Variants in MTMR9 observed in about 807,000 individuals in gnomAD.
The protein encoded by MTMR9 is myotubularin related protein 9, also known as myotubularin-related protein 9.
Under a neutral mutation model 69.5 loss-of-function variants are expected in MTMR9, and 39 were observed. That is an observed-to-expected ratio of 0.56 (90% CI 0.43 to 0.73). The LOEUF (loss-of-function observed/expected upper bound fraction) is 0.73, where lower values mean the gene tolerates loss of function less well. MTMR9 is among the 30% of genes least tolerant of loss of function. The pLI, the probability that MTMR9 is intolerant of heterozygous loss-of-function variation, is 0.00. For synonymous variants in MTMR9, 354 were observed against 240.8 expected, an observed-to-expected ratio of 1.47 and a Z score of -4.35; for missense variants, 900 against 671.2, an observed-to-expected ratio of 1.34 and a Z score of -3.77.
chr8:11,304,473 C>A (rs1237997019), intron 3 of MTMR9, among the ~76,000 whole-genome samples: 1 of 152,150 alleles, frequency 6.6e-6, no homozygotes, highest in Non-Finnish European at 1.5e-5. Flanking sequence ...GAGAATAGAA[C>A]ACTAAGGAGG....
the MTMR9 span, among the ~76,000 whole-genome samples, chr8:11,337,833 T>A: frequency 1.3e-5 from 2 of 152,248 alleles, no homozygotes; most frequent in Non-Finnish European, 2.9e-5. Context: ...TACTCTGCTG[T>A]CTTCTTGATG....
chr8:11,296,944 G>A (rs144885408), intron 2 of MTMR9, among the ~76,000 whole-genome samples: 35 of 152,050 alleles, frequency 2.3e-4, no homozygotes, highest in African/African-American at 8.4e-4. Context: ...ATTTTACTTG[G>A]TTAGTTTAAA....
chr8:11,323,204 C>A lies in MTMR9; in HGVS notation c.*416C>A, dbSNP rs933548214. On this transcript the variant is annotated 3_prime_UTR_variant, in exon 10 of 10. Coordinates refer to ENST00000221086, the MANE Select transcript of MTMR9 (RefSeq NM_015458.4). ...AAAAAGGGTCAGACTTTTAAACACT[C>A]TGACCATAGAAATGTTTTTCAAAAT... The A allele has an allele frequency of 6.5e-6, 1 of 152,768 alleles. No individual in the cohort carries two copies. The highest frequency in any genetic ancestry group is 6.5e-5 in the Admixed American group (1 of 15,304). 9.5% of individuals were successfully genotyped at this position (152,768 alleles called of 1,614,324 possible). A position where few individuals can be genotyped will look rare whatever the true frequency, so the allele number is the denominator to read the frequency against.
At position 11,306,270 on chromosome 8, in the gene MTMR9, C is replaced by A. The variant is rs760422971; in HGVS notation, c.672C>A (p.Thr224=). ...AGGACGAGAAGCTGATAAATGCTAC[C>A]CTCAGGGCTGGAAAGCGTGGCTACA... ...CKEDEKLINA[T]LRAGKRGYII... is the part of the protein sequence containing the mutation. Residue 224 remains threonine, a synonymous_variant, in exon 5 of 10, where the codon ACC becomes ACA. Coordinates refer to ENST00000221086, the MANE Select transcript of MTMR9 (RefSeq NM_015458.4). 2.5e-6 allele frequency: 4 copies of A among 1,613,980 alleles called. No individual in the cohort carries two copies. The highest frequency in any genetic ancestry group is 2.5e-6 in the Non-Finnish European group (3 of 1,179,964).
chr8:11,299,675 C>G (rs1799682886), intron 2 of MTMR9, among the ~76,000 whole-genome samples: 1 of 152,214 alleles, frequency 6.6e-6, no homozygotes, highest in Non-Finnish European at 1.5e-5. Flanking sequence ...TAGCCAAAAA[C>G]TGATCCCCAG....
intron 3 of MTMR9, among the ~76,000 whole-genome samples, chr8:11,302,405 A>G (rs1359143964): frequency 1.3e-5 from 2 of 152,076 alleles, no homozygotes; most frequent in East Asian, 3.8e-4. Context: ...CAAATACCAT[A>G]CAAGATAATA....
At chr8:11,320,515 G>A (rs1250641032) in intron 9 of MTMR9, 1 of 152,184 alleles carries the variant, frequency 6.6e-6, no homozygotes, top group African/African-American at 2.4e-5. Flanking sequence ...GATCACTTGA[G>A]GTCAGAAGTT....
chr8:11,306,428 T>C (rs762661843), intron 5 of MTMR9, 21 bp downstream of exon 5: 1 of 1,603,302 alleles, frequency 6.2e-7, no homozygotes, highest in South Asian at 1.1e-5. Flanking sequence ...CCAAAGATAG[T>C]ACAGACTCTT....
intron 2 of MTMR9, among the ~76,000 whole-genome samples, chr8:11,295,956 A>G (rs1267950648): frequency 2.6e-5 from 4 of 152,192 alleles, no homozygotes; most frequent in East Asian, 1.9e-4. Flanking sequence ...TAACCAGTGC[A>G]CTGTTCACTT....
At chr8:11,285,787 G>A (rs1012687596) in intron 1 of MTMR9, among the ~76,000 whole-genome samples, 1 of 152,094 alleles carries the variant, frequency 6.6e-6, no homozygotes, top group African/African-American at 2.4e-5. Context: ...CATCTCCTTA[G>A]TGGCTACTCG....
chr8:11,300,734 A>G (rs1799720203), intron 3 of MTMR9: 1 of 152,234 alleles, frequency 6.6e-6, no homozygotes, highest in Non-Finnish European at 1.5e-5. Flanking sequence ...CGATCTGACA[A>G]TGAATAAAAT....
intron 1 of MTMR9, among the ~76,000 whole-genome samples, chr8:11,288,871 T>A (rs967447221): frequency 6.6e-6 from 1 of 152,086 alleles, no homozygotes; most frequent in African/African-American, 2.4e-5. Context: ...GTAGAGTAGT[T>A]CACATAAAAG....
intron 5 of MTMR9, among the ~76,000 whole-genome samples, chr8:11,308,441 G>A (rs1420106239): frequency 2.0e-5 from 3 of 152,180 alleles, no homozygotes; most frequent in Admixed American, 2.0e-4. Flanking sequence ...CTTTAGCTTT[G>A]TAGCATATTT....
At chr8:11,298,548 A>G (rs1018650083) in intron 2 of MTMR9, among the ~76,000 whole-genome samples, 3 of 152,050 alleles carry the variant, frequency 2.0e-5, no homozygotes, top group East Asian at 1.9e-4. Context: ...CCGGTCTACT[A>G]TTGAATAGTC....
intron 1 of MTMR9, among the ~76,000 whole-genome samples, chr8:11,286,665 TCAA>T (rs1301234032): frequency 1.5e-5 from 1 of 67,482 alleles, no homozygotes; most frequent in Admixed American, 2.1e-4. Flanking sequence ...AAACTCCATC[TCAA>T]AAAAAAAAAA....
In MTMR9 at chr8:11,316,905, G is replaced by A; in HGVS notation, c.1334+12G>A. 1 of 1,542,984 alleles carries A rather than the reference G, an allele frequency of 6.5e-7. No homozygotes were observed. Among genetic ancestry groups the A allele is most frequent in the South Asian group, 1.2e-5 (1 of 80,606 alleles). Reference sequence around the variant, plus strand: ...AATGAAAGTGAAAGGTGAGTACACTGCTCACATGGGGACCTTTCCTTTTCC... The same window carrying A: ...AATGAAAGTGAAAGGTGAGTACACTACTCACATGGGGACCTTTCCTTTTCC... On this transcript the variant is annotated intron_variant, in intron 8 of 9. Coordinates refer to ENST00000221086, the MANE Select transcript of MTMR9 (RefSeq NM_015458.4).
intron 2 of MTMR9, among the ~76,000 whole-genome samples, chr8:11,299,281 G>A (rs565344586): frequency 6.6e-6 from 1 of 152,328 alleles, no homozygotes; most frequent in African/African-American, 2.4e-5. Context: ...AGTGAGCCGA[G>A]ATCGCGCCAT....
downstream of MTMR9, chr8:11,330,837 C>A: frequency 1.9e-6 from 1 of 535,198 alleles, no homozygotes; most frequent in Non-Finnish European, 3.2e-6. Context: ...ACTTGTTTAT[C>A]TGCTGACCTT....
intron 2 of MTMR9, chr8:11,297,866 AGTGAACCT>A (rs1563269620): frequency 4.4e-6 from 2 of 456,206 alleles, no homozygotes; most frequent in Non-Finnish European, 8.8e-6. Context: ...TGATTAACAT[AGTGAACCT>A]GTCCTCTATC....
Sources: gnomAD v4.1 joint callset for allele counts (sites outside exome capture counted in the v4.1 genomes callset) on GRCh38, gnomAD v4.1.1 for gene constraint, MANE v1.5 for transcripts, NCBI Gene and HGNC (gene_info 2026-07-23, HGNC 2026-07-21) for gene names.